SAE1: variants seen among roughly 807,000 people sequenced by gnomAD.
The protein encoded by SAE1 is SUMO-activating enzyme subunit 1.
SAE1 carries 11 observed loss-of-function variants against 40.6 expected under a neutral mutation model. The ratio of observed to expected loss-of-function variants is 0.27; its 90% CI spans 0.17 to 0.45. The LOEUF is 0.45. Ranked by LOEUF, SAE1 falls within the 20% of genes least tolerant of loss-of-function variation. The pLI is 1.00. For synonymous variants in SAE1, 155 were observed against 154.3 expected (o/e 1.00, Z -0.03); for missense variants, 373 against 427.3 (o/e 0.87, Z 1.12).
At chr19:47,145,298 G>A (rs1236349430) in intron 2 of SAE1, among the ~76,000 whole-genome samples, 1 of 152,020 alleles carries the variant, frequency 6.6e-6, no homozygotes, top group African/African-American at 2.4e-5. Context: ...ACCGCACCCG[G>A]CCATGCCTGG....
intron 2 of SAE1, among the ~76,000 whole-genome samples, chr19:47,147,526 C>T (rs1192949364): frequency 6.6e-6 from 1 of 151,758 alleles, no homozygotes; most frequent in Admixed American, 6.6e-5. Flanking sequence ...GATCTTGGCT[C>T]ACTGCAACCT....
intron 6 of SAE1, chr19:47,180,417 G>T: frequency 2.7e-6 from 1 of 364,856 alleles, no homozygotes; most frequent in Non-Finnish European, 5.4e-6. Flanking sequence ...GAATTATGAA[G>T]ATAACAAAGT....
intron 6 of SAE1, 130 bp from the exon 7 acceptor site, chr19:47,197,102 AC>A: frequency 1.2e-6 from 1 of 812,196 alleles, no homozygotes; most frequent in Non-Finnish European, 1.9e-6. Context: ...AATCACTTGA[AC>A]CCGGGAGGCA....
chr19:47,171,002 G>A (rs1221360830), intron 6 of SAE1, among the ~76,000 whole-genome samples: 2 of 151,998 alleles, frequency 1.3e-5, no homozygotes, highest in East Asian at 3.9e-4. Context: ...TTGAGATGGA[G>A]TCTCGCTCTG....
Position 47,210,094 on chromosome 19 carries a change from G to A in SAE1, c.*843G>A, listed in dbSNP as rs2058706099. Reference sequence around the variant, plus strand: ...CATTTCAGGGCTATGTTGGTCCTTTGTTTACCTCCTAAACCACAGCTGTTT... The same window carrying A: ...CATTTCAGGGCTATGTTGGTCCTTTATTTACCTCCTAAACCACAGCTGTTT... On this transcript the variant is annotated 3_prime_UTR_variant, in exon 9 of 9. Coordinates refer to ENST00000270225, the MANE Select transcript of SAE1 (RefSeq NM_005500.3). The A allele has an allele frequency of 6.6e-6, 1 of 152,124 alleles. No homozygotes were observed. Among genetic ancestry groups the A allele is most frequent in the African/African-American group, 2.4e-5 (1 of 41,414 alleles). The allele number at this position is 152,124 out of a possible 1,614,324, so 9.4% of individuals were successfully genotyped here.
chr19:47,173,633 CT>C (rs2123261225), intron 6 of SAE1, among the ~76,000 whole-genome samples: 1 of 152,214 alleles, frequency 6.6e-6, no homozygotes, highest in African/African-American at 2.4e-5. Context: ...AGTAACACCC[CT>C]ATCCTCTACT....
At chr19:47,170,406 G>A (rs903277009) in intron 6 of SAE1, among the ~76,000 whole-genome samples, 1 of 151,040 alleles carries the variant, frequency 6.6e-6, no homozygotes, top group African/African-American at 2.4e-5. Flanking sequence ...GTAGAGATGG[G>A]GTTTCACCAT....
chr19:47,184,613 G>A (rs913635362), intron 6 of SAE1, among the ~76,000 whole-genome samples: 2 of 151,970 alleles, frequency 1.3e-5, no homozygotes, highest in East Asian at 1.9e-4. Context: ...GTTTCACCAC[G>A]TTGGCCAGGC....
chr19:47,149,163 C>CTTTT (rs958403274), intron 2 of SAE1, among the ~76,000 whole-genome samples: 27 of 86,484 alleles, frequency 3.1e-4, no homozygotes, highest in Non-Finnish European at 3.7e-4. Context: ...CACTGGTCTA[C>CTTTT]TTTTTTTTTT....
chr19:47,195,928 C>T (rs1188899241), intron 6 of SAE1, among the ~76,000 whole-genome samples: 1 of 149,174 alleles, frequency 6.7e-6, no homozygotes, highest in Non-Finnish European at 1.5e-5. Flanking sequence ...GCAGTGAGGT[C>T]TCACTATGTT....
At chr19:47,182,272 C>T (rs1461988978) in intron 6 of SAE1, among the ~76,000 whole-genome samples, 1 of 152,038 alleles carries the variant, frequency 6.6e-6, no homozygotes, top group Non-Finnish European at 1.5e-5. Context: ...AGGCCATAGG[C>T]AGCCATCGCT....
At chr19:47,194,703 C>T (rs551515703) in intron 6 of SAE1, among the ~76,000 whole-genome samples, 37 of 149,674 alleles carry the variant, frequency 2.5e-4, no homozygotes, top group African/African-American at 8.3e-4. Context: ...TACCTGTGGA[C>T]AAGGTGTAGT....
chr19:47,147,464 G>GT (rs2058261630), intron 2 of SAE1, among the ~76,000 whole-genome samples: 2 of 151,052 alleles, frequency 1.3e-5, no homozygotes, highest in South Asian at 2.1e-4. Context: ...TTTTTTGTTT[G>GT]TTTTTTTGAG....
intron 6 of SAE1, among the ~76,000 whole-genome samples, chr19:47,192,742 GT>G (rs1250423393): frequency 3.3e-5 from 5 of 149,720 alleles, no homozygotes; most frequent in Non-Finnish European, 7.4e-5. Flanking sequence ...GTTTCACCAT[GT>G]TGGCCAGGCT....
chr19:47,152,521 C>T (rs1276353181), intron 3 of SAE1, among the ~76,000 whole-genome samples: 1 of 152,008 alleles, frequency 6.6e-6, no homozygotes. Flanking sequence ...TTTGCTTGTC[C>T]CTGTAGCTTA....
chr19:47,165,297 C>G (rs193180575), intron 5 of SAE1, among the ~76,000 whole-genome samples: 264 of 151,904 alleles, frequency 1.7e-3, no homozygotes, highest in African/African-American at 6.1e-3. Context: ...ACCATGTTGG[C>G]CAGGCTGGTC....
At chr19:47,154,772 A>G (rs1358271756) in intron 4 of SAE1, among the ~76,000 whole-genome samples, 1 of 152,198 alleles carries the variant, frequency 6.6e-6, no homozygotes, top group Non-Finnish European at 1.5e-5. Context: ...CTGGGATTAC[A>G]GGCGTGAGCC....
At chr19:47,161,211 G>A (rs960224674) in intron 5 of SAE1, among the ~76,000 whole-genome samples, 5 of 138,358 alleles carry the variant, frequency 3.6e-5, no homozygotes, top group African/African-American at 5.4e-5. Flanking sequence ...ATCTCTTGCT[G>A]TGTTGCCCAG....
At chr19:47,201,779 G>A (rs924958377) in intron 7 of SAE1, among the ~76,000 whole-genome samples, 16 of 151,822 alleles carry the variant, frequency 1.1e-4, no homozygotes, top group Admixed American at 4.6e-4. Flanking sequence ...CATTACAGCT[G>A]CCCGCCACCA....
Sources: gnomAD v4.1 joint callset for allele counts (sites outside exome capture counted in the v4.1 genomes callset) on GRCh38, gnomAD v4.1.1 for gene constraint, MANE v1.5 for transcripts, NCBI Gene and HGNC (gene_info 2026-07-23, HGNC 2026-07-21) for gene names.